Variants in LRP5 observed in about 807,000 individuals in gnomAD.
The protein encoded by LRP5 is low-density lipoprotein receptor-related protein 5.
LRP5 carries 62 observed loss-of-function variants against 154.1 expected under a neutral mutation model. That is an observed-to-expected ratio of 0.40 (90% confidence interval 0.33 to 0.50). LRP5 has a LOEUF of 0.50. LRP5 is among the 20% of genes least tolerant of loss of function. The pLI, the probability that LRP5 is intolerant of heterozygous loss-of-function variation, is 0.55. For missense variants in LRP5, 1,915 were observed against 2,336.7 expected, an observed-to-expected ratio of 0.82 and a Z score of 3.72; for synonymous variants, 966 against 1,011.5, an observed-to-expected ratio of 0.96 and a Z score of 0.85.
intron 9 of LRP5, 81 bp downstream of exon 9, chr11:68,406,894 CT>C: frequency 7.1e-7 from 1 of 1,416,902 alleles, no homozygotes; most frequent in Non-Finnish European, 9.8e-7. Flanking sequence ...GCTTCAGACA[CT>C]TTTCTTAAAG....
At chr11:68,405,469 CAAA>C (rs772035158) in intron 8 of LRP5, among the ~76,000 whole-genome samples, 14 of 55,834 alleles carry the variant, frequency 2.5e-4, no homozygotes, top group South Asian at 7.4e-4. Context: ...GACCCTGTCT[CAAA>C]AAAAAAAAAA....
chr11:68,410,219 C>A, intron 10 of LRP5, 79 bp downstream of exon 10: 2 of 1,195,866 alleles, frequency 1.7e-6, no homozygotes, highest in Non-Finnish European at 2.4e-6. Context: ...GGCAAGGTGG[C>A]AGGCTGTCCG....
intron 13 of LRP5, 40 bp downstream of exon 13, chr11:68,416,567 A>G: frequency 6.3e-7 from 1 of 1,593,090 alleles, no homozygotes; most frequent in Non-Finnish European, 8.6e-7. Context: ...GTGCTTCCCA[A>G]GGCGCTCCTC....
intron 9 of LRP5, among the ~76,000 whole-genome samples, chr11:68,409,237 T>C (rs2098657942): frequency 7.2e-6 from 1 of 139,736 alleles, no homozygotes; most frequent in Non-Finnish European, 1.5e-5. Flanking sequence ...ATAAAATATA[T>C]ATTATATAAT....
intron 18 of LRP5, 143 bp from the exon 19 acceptor site, chr11:68,436,744 CTG>C (rs1013948225): frequency 4.6e-5 from 29 of 636,300 alleles, no homozygotes; most frequent in African/African-American, 3.8e-4. Flanking sequence ...TGGGTGGAGA[CTG>C]TACTAGACCA....
chr11:68,443,523 T>C (rs1434575017), intron 21 of LRP5, among the ~76,000 whole-genome samples: 4 of 111,414 alleles, frequency 3.6e-5, no homozygotes. Flanking sequence ...GAAAAGAAAT[T>C]ATCAATCTCC....
rs548081097 is a variant in LRP5, at chr11:68,393,221, G to A, written c.1584+3169G>A. ...AGCACATTTTGTTTGTCTGTTTATC[G>A]GGTGGTGGGCAGTGGTTTCCACCTT... is the stretch of plus-strand genomic sequence containing the variant. On this transcript the variant is annotated intron_variant, in intron 7 of 22. Coordinates refer to ENST00000294304, the MANE Select transcript of LRP5 (RefSeq NM_002335.4). Among the ~76,000 whole-genome samples the A allele has an allele frequency of 3.9e-5, 6 of 152,114 alleles. No individual in the cohort carries two copies. In the South Asian group the frequency reaches 6.2e-4, roughly 16 times the overall value.
At chr11:68,372,090 C>T (rs2098634336) in intron 5 of LRP5, among the ~76,000 whole-genome samples, 1 of 152,198 alleles carries the variant, frequency 6.6e-6, no homozygotes, top group Non-Finnish European at 1.5e-5. Flanking sequence ...GTGCCTGTTC[C>T]CGAGGGAGGC....
the LRP5 span, among the ~76,000 whole-genome samples, chr11:68,301,775 G>A: frequency 1.3e-4 from 17 of 129,912 alleles, 1 homozygote; most frequent in African/African-American, 3.0e-4. Context: ...ACAGGCGCCC[G>A]CCACCATGCC....
In LRP5 at chr11:68,312,780, G is replaced by A; in HGVS notation, c.66G>A (p.Leu22=). ...TGCTGCTGCTGCTGCTGCTGGCGCT[G>A]TGCGGCTGCCCGGCCCCCGCCGCGG... ...LLLLLLLLLA[L]CGCPAPAAAS... The change falls in exon 1 of 23, where the codon CTG becomes CTA. Residue 22 remains leucine, a synonymous_variant. Transcript: ENST00000294304. 9.2e-7 allele frequency: 1 copy of A among 1,088,074 alleles called. No individual in the cohort carries two copies. Among genetic ancestry groups the A allele is most frequent in the Non-Finnish European group, 1.1e-6 (1 of 891,198 alleles). The allele number at this position is 1,088,074 out of a possible 1,614,324, so 67.4% of individuals were successfully genotyped here. A position where few individuals can be genotyped will look rare whatever the true frequency, so the allele number is the denominator to read the frequency against.
At chr11:68,337,915 A>G (rs1405882147) in intron 1 of LRP5, among the ~76,000 whole-genome samples, 1 of 152,200 alleles carries the variant, frequency 6.6e-6, no homozygotes, top group East Asian at 1.9e-4. Flanking sequence ...TTCTTCCTCC[A>G]GGAAGCCTGC....
intron 13 of LRP5, among the ~76,000 whole-genome samples, chr11:68,422,424 C>G (rs1252566921): frequency 2.0e-5 from 3 of 152,174 alleles, no homozygotes; most frequent in African/African-American, 4.8e-5. Flanking sequence ...CCAAATCACT[C>G]GGGAACTTGG....
chr11:68,438,129 T>C (rs552042889), intron 19 of LRP5, among the ~76,000 whole-genome samples: 81 of 152,068 alleles, frequency 5.3e-4, no homozygotes, highest in African/African-American at 1.9e-3. Context: ...CAGGGCGCGC[T>C]CACTTCTGCC....
At chr11:68,340,486 G>A (rs776228388) in intron 1 of LRP5, among the ~76,000 whole-genome samples, 2 of 152,176 alleles carry the variant, frequency 1.3e-5, no homozygotes, top group Non-Finnish European at 2.9e-5. Context: ...GTTACCTCTT[G>A]AGCGCTTTTC....
At chr11:68,434,120 C>A (rs1338530753) in intron 18 of LRP5, among the ~76,000 whole-genome samples, 1 of 152,142 alleles carries the variant, frequency 6.6e-6, no homozygotes, top group Admixed American at 6.5e-5. Context: ...CAGGGGTGGG[C>A]TGCAGAGGTC....
chr11:68,405,901 G>C (rs2098655386), intron 8 of LRP5, among the ~76,000 whole-genome samples: 1 of 152,230 alleles, frequency 6.6e-6, no homozygotes, highest in Non-Finnish European at 1.5e-5. Flanking sequence ...AGGCCCTGAG[G>C]GGCAACTTGC....
rs1392772522 is a variant in LRP5 at position 68,312,703 on chromosome 11, C to T, written c.-12C>T. The T allele has an allele frequency of 2.0e-6, 2 of 1,013,430 alleles. No individual in the cohort carries two copies. Among genetic ancestry groups the T allele is most frequent in the Non-Finnish European group, 2.4e-6 (2 of 849,866 alleles). The allele number at this position is 1,013,430 out of a possible 1,614,324, so 62.8% of individuals were successfully genotyped here. A position where few individuals can be genotyped will look rare whatever the true frequency, so the allele number is the denominator to read the frequency against. ...GTGAGCGCGGCGCGGGCCCGTCCGG[C>T]CGCCGGACAACATGGAGGCAGCGCC... On this transcript the variant is annotated 5_prime_UTR_variant, in exon 1 of 23. Coordinates refer to ENST00000294304, the MANE Select transcript of LRP5 (RefSeq NM_002335.4).
intron 5 of LRP5, among the ~76,000 whole-genome samples, chr11:68,366,654 G>A (rs1205801376): frequency 2.0e-5 from 3 of 152,194 alleles, no homozygotes; most frequent in African/African-American, 7.2e-5. Context: ...CTTTCTGAGA[G>A]CAGGGCATCT....
chr11:68,376,444 A>G (rs530131119), intron 5 of LRP5, among the ~76,000 whole-genome samples: 14 of 152,196 alleles, frequency 9.2e-5, no homozygotes, highest in Admixed American at 3.9e-4. Context: ...TTGGCCTCCC[A>G]AAGTGCTGGG....
Sources: allele counts gnomAD v4.1 joint callset (sites outside exome capture counted in the v4.1 genomes callset), GRCh38; gene constraint gnomAD v4.1.1; transcripts MANE v1.5; gene names NCBI Gene and HGNC (gene_info 2026-07-23, HGNC 2026-07-21).